Variants in LDB1 observed in about 807,000 individuals in gnomAD.
The protein encoded by LDB1 is LIM domain binding 1, also known as LIM domain-binding protein 1.
In LDB1, 6 loss-of-function variants were observed where a neutral mutation model predicts 49.7. That is an observed-to-expected ratio of 0.12 (90% confidence interval 0.07 to 0.24). The LOEUF (loss-of-function observed/expected upper bound fraction) is 0.24. Ranked by LOEUF, LDB1 falls within the 10% of genes least tolerant of loss-of-function variation. The probability of loss-of-function intolerance (pLI) is 1.00; values close to 1 mark genes in which losing one functional copy is unlikely to be tolerated. For synonymous variants in LDB1, 233 were observed against 202.0 expected (o/e 1.15, Z -1.30); for missense variants, 341 against 561.7 (o/e 0.61, Z 3.97).
intron 1 of LDB1, among the ~76,000 whole-genome samples, chr10:102,116,773 A>G (rs940177018): frequency 3.9e-5 from 6 of 152,286 alleles, no homozygotes; most frequent in African/African-American, 7.2e-5. Context: ...ACTGAAATCT[A>G]TAACATTCAG....
chr10:102,112,145 T>G (rs1280158022), intron 1 of LDB1, among the ~76,000 whole-genome samples: 2 of 152,196 alleles, frequency 1.3e-5, no homozygotes, highest in African/African-American at 4.8e-5. Flanking sequence ...GAAGAATGAT[T>G]ACAGAATAAA....
chr10:102,114,812 G>GGGGGGGCCCCCCCCCC, intron 1 of LDB1: 8 of 929,816 alleles, frequency 8.6e-6, no homozygotes, highest in Non-Finnish European at 1.0e-5. Context: ...CCTCCGAGCA[G>GGGGGGGCCCCCCCCCC]CCCGCCCGCC....
At chr10:102,115,913 TACAC>T (rs766185658) in intron 1 of LDB1, among the ~76,000 whole-genome samples, 6 of 150,036 alleles carry the variant, frequency 4.0e-5, no homozygotes, top group Non-Finnish European at 5.9e-5. Context: ...AAATACATAG[TACAC>T]ACACACACAC....
intron 1 of LDB1, among the ~76,000 whole-genome samples, chr10:102,113,668 T>C (rs2068287758): frequency 6.6e-6 from 1 of 151,086 alleles, no homozygotes; most frequent in Non-Finnish European, 1.5e-5. Context: ...TAACCACCCC[T>C]GCCTCCTCAG....
chr10:102,103,329 TTTGTTGTTG>T (rs141197540), downstream of LDB1, among the ~76,000 whole-genome samples: 4 of 150,180 alleles, frequency 2.7e-5, no homozygotes, highest in East Asian at 2.0e-4. Context: ...CTGCACCTGT[TTTGTTGTTG>T]TTGTTGTTGT....
At position 102,117,159 on chromosome 10, in the gene LDB1, A is replaced by G. The variant is rs1191917486; in HGVS notation, c.25+2927T>C. 2.0e-5 allele frequency among the ~76,000 whole-genome samples: 3 copies of G among 152,170 alleles called. No individual in the cohort carries two copies. In the East Asian group the frequency reaches 5.8e-4, roughly 29 times the overall value. On this transcript the variant is annotated intron_variant, in intron 1 of 10. Transcript: ENST00000673968. This position sits in a 1 kb window ranked among gnomAD's most constrained non-coding sequence, Gnocchi z 4.2. ...GTGCTCTGGCTTTTGCCTCCAGCCC[A>G]GAGCTCAGAACCCCACACCCACCCT...
In LDB1 at chr10:102,117,247, T is replaced by TA. The variant is rs1459887971; in HGVS notation, c.25+2838dup. On this transcript the variant is annotated intron_variant, in intron 1 of 10. Coordinates refer to ENST00000673968, the MANE Select transcript of LDB1 (RefSeq NM_001113407.3). This position sits in a 1 kb window ranked among gnomAD's most constrained non-coding sequence, Gnocchi z 4.2. The stretch of plus-strand genomic sequence containing the variant: ...TCTCGCTGTGGGGTGGAGGGGCCCC[T>TA]AAATGCCAAGATGTATCGACTGGCA... Among the ~76,000 whole-genome samples the TA allele has an allele frequency of 6.6e-6, 1 of 152,148 alleles. No homozygotes were observed. Among genetic ancestry groups the TA allele is most frequent in the Non-Finnish European group, 1.5e-5 (1 of 68,018 alleles).
At chr10:102,105,551 G>A (rs148000506), downstream of LDB1, among the ~76,000 whole-genome samples, 78 of 152,126 alleles carry the variant, frequency 5.1e-4, no homozygotes, top group African/African-American at 1.7e-3. Flanking sequence ...TGGGCACTAA[G>A]ACCCCATCTC....
chr10:102,118,822 G>A (rs930586912), intron 1 of LDB1, among the ~76,000 whole-genome samples: 1 of 152,122 alleles, frequency 6.6e-6, no homozygotes, highest in Non-Finnish European at 1.5e-5. Context: ...GAGGGACGAC[G>A]GGGCCAGACA....
At chr10:102,118,214 C>T (rs760951884) in intron 1 of LDB1, among the ~76,000 whole-genome samples, 2 of 152,190 alleles carry the variant, frequency 1.3e-5, no homozygotes, top group Admixed American at 6.5e-5. Context: ...TATTCCCCAC[C>T]TCCAGTCTAC....
intron 1 of LDB1, 50 bp downstream of exon 1, chr10:102,120,036 G>T (rs1376271843): frequency 3.6e-6 from 5 of 1,373,754 alleles, no homozygotes; most frequent in Non-Finnish European, 4.9e-6. Flanking sequence ...TGAGGGGTCC[G>T]CAGGGACGGC....
intron 6 of LDB1, 29 bp downstream of exon 6, chr10:102,110,500 G>T: frequency 6.3e-7 from 1 of 1,594,450 alleles, no homozygotes. Context: ...CAGGTGCCAT[G>T]GTGTTCCACA....
chr10:102,106,477 A>C (rs2068160824), downstream of LDB1, among the ~76,000 whole-genome samples: 1 of 146,300 alleles, frequency 6.8e-6, no homozygotes, highest in Non-Finnish European at 1.5e-5. Flanking sequence ...TCAATGACCA[A>C]CCAGGACACT....
chr10:102,120,389 G>T, upstream of LDB1: 3 of 981,506 alleles, frequency 3.1e-6, no homozygotes, highest in Non-Finnish European at 3.6e-6. Flanking sequence ...GCGTGTGTGC[G>T]CGTGTGCGTG....
intron 1 of LDB1, among the ~76,000 whole-genome samples, chr10:102,116,627 C>T (rs2068339511): frequency 2.0e-5 from 3 of 152,200 alleles, no homozygotes; most frequent in Non-Finnish European, 4.4e-5. Context: ...ACCCCTAAAC[C>T]TGTGACAGCC....
At chr10:102,114,938 CT>C in intron 1 of LDB1, 1 of 611,182 alleles carries the variant, frequency 1.6e-6, no homozygotes, top group Non-Finnish European at 2.0e-6. Flanking sequence ...GGCTGCCTGC[CT>C]TTCTCCCTTT....
chr10:102,121,146 G>A (rs575234913), upstream of LDB1, among the ~76,000 whole-genome samples: 4 of 152,306 alleles, frequency 2.6e-5, no homozygotes, highest in East Asian at 7.7e-4. Context: ...TTGCTGGGGG[G>A]AGGGGGCTGC....
At chr10:102,106,093 C>A (rs2068157134), downstream of LDB1, among the ~76,000 whole-genome samples, 1 of 152,096 alleles carries the variant, frequency 6.6e-6, no homozygotes, top group Non-Finnish European at 1.5e-5. Context: ...ACCCAAGCCC[C>A]CTCCTGGGCC....
At chr10:102,113,139 G>A (rs1224308757) in intron 1 of LDB1, among the ~76,000 whole-genome samples, 1 of 152,180 alleles carries the variant, frequency 6.6e-6, no homozygotes, top group East Asian at 1.9e-4. Context: ...AGAGACAAAA[G>A]AAGACCCTGT....
Sources: gnomAD v4.1 joint callset for allele counts (sites outside exome capture counted in the v4.1 genomes callset) on GRCh38, gnomAD v4.1.1 for gene constraint, Gnocchi (gnomAD v3.1) non-coding constraint, MANE v1.5 for transcripts, NCBI Gene and HGNC (gene_info 2026-07-23, HGNC 2026-07-21) for gene names.